Variants in CDCA7 observed in about 807,000 individuals in gnomAD.
CDCA7 encodes the protein cell division cycle associated 7, also known as cell division cycle-associated protein 7.
CDCA7 carries 28 observed loss-of-function variants against 54.0 expected under a neutral mutation model. The observed-to-expected ratio is 0.52, with a 90% CI of 0.38 to 0.71. CDCA7 has a LOEUF of 0.71. Among genes scored for constraint, CDCA7 ranks in the 30% least tolerant of loss-of-function variants. The pLI is 0.00. For synonymous variants in CDCA7, 180 were observed against 208.2 expected, an observed-to-expected ratio of 0.86 and a Z score of 1.16; for missense variants, 484 against 586.0, an observed-to-expected ratio of 0.83 and a Z score of 1.80.
intron 3 of CDCA7, among the ~76,000 whole-genome samples, chr2:173,360,838 A>ATTTTTTTTCTTCTCTCTCTCTT (rs67352963): frequency 6.6e-6 from 1 of 151,710 alleles, no homozygotes; most frequent in East Asian, 1.9e-4. Context: ...TTTATGGGTG[A>ATTTTTTTTCTTCTCTCTCTCTT]TTTTTTTCTT....
rs1686666272 is a variant in CDCA7 at position 173,363,706 on chromosome 2, A to G, written c.622-112A>G. On this transcript the variant is annotated intron_variant, in intron 4 of 9. Transcript: ENST00000306721. ...TCAGAAACTCTGAATGTGTCAGCTT[A>G]CTATCAAATATAAAACCATGAGATG... The G allele has an allele frequency of 5.4e-6, 6 of 1,106,788 alleles. No individual in the cohort carries two copies. In the East Asian group the frequency reaches 1.4e-4, roughly 26 times the overall value. The allele number at this position is 1,106,788 out of a possible 1,614,324, so 68.6% of individuals were successfully genotyped here.
intron 5 of CDCA7, chr2:173,364,165 A>G (rs1277144193): frequency 9.4e-6 from 3 of 318,932 alleles, no homozygotes; most frequent in South Asian, 1.1e-4. Flanking sequence ...TGGGCAGGTA[A>G]TGAAGATTGA....
intron 8 of CDCA7, 142 bp from the exon 9 acceptor site, chr2:173,367,008 G>C: frequency 8.4e-7 from 1 of 1,191,234 alleles, no homozygotes; most frequent in Non-Finnish European, 1.2e-6. Flanking sequence ...GAAGCATTAG[G>C]CATTAGGAAA....
rs1686659129 is a variant in CDCA7 at position 173,363,312 on chromosome 2, G to A, written c.471G>A (p.Ala157=). 2.5e-6 allele frequency: 4 copies of A among 1,614,046 alleles called. No individual in the cohort carries two copies. The highest frequency in any genetic ancestry group is 1.3e-5 in the African/African-American group (1 of 74,920). Residue 157 remains alanine (A), a synonymous_variant, in exon 4 of 10, where the codon GCG becomes GCA. Transcript: ENST00000306721. ...TCAGGGTGGCGATGAAGTTTCCAGCGCGGAGTACCAGGGGAGCAACCAACA... is the reference window on the plus strand; with the variant it reads ...TCAGGGTGGCGATGAAGTTTCCAGCACGGAGTACCAGGGGAGCAACCAACA... The part of the protein sequence containing the change: ...GPLRVAMKFP[A]RSTRGATNKK...
In CDCA7 at chr2:173,367,296, G is replaced by GC; in HGVS notation, c.1322+10_1322+11insC. 6.2e-7 allele frequency: 1 copy of GC among 1,602,616 alleles called. No individual in the cohort carries two copies. The highest frequency in any genetic ancestry group is 8.5e-7 in the Non-Finnish European group (1 of 1,172,448). ...ATGCCTACTTGAAAAGGTAGTGGGTGTTTTTTTTTCCCTTCCACATCTGAA... is the reference window on the plus strand; with the variant it reads ...ATGCCTACTTGAAAAGGTAGTGGGTGCTTTTTTTTTCCCTTCCACATCTGAA... On this transcript the variant is annotated intron_variant, in intron 9 of 9. Coordinates refer to ENST00000306721, the MANE Select transcript of CDCA7 (RefSeq NM_031942.5).
At chr2:173,365,419 G>A (rs1686701407) in intron 6 of CDCA7, 33 bp from the exon 7 acceptor site, 2 of 1,560,346 alleles carry the variant, frequency 1.3e-6, no homozygotes, top group Admixed American at 3.9e-5. Flanking sequence ...TTTCAGTTTT[G>A]AAGTTCTGTG....
rs1686716181 is a variant in CDCA7, at chr2:173,366,215, A to G, written c.1036-68A>G. The G allele has an allele frequency of 1.3e-6, 2 of 1,535,224 alleles. No individual in the cohort carries two copies. Among genetic ancestry groups the G allele is most frequent in the Non-Finnish European group, 1.8e-6 (2 of 1,134,468 alleles). ...ATACTACGAAGAGGGACATTCTGTA[A>G]ATATGCCATTTCCTCTGTTGAAAAA... On this transcript the variant is annotated intron_variant, in intron 7 of 9. Transcript: ENST00000306721. This position sits in a 1 kb window ranked among gnomAD's most constrained non-coding sequence, Gnocchi z 4.5.
Position 173,366,183 on chromosome 2 carries a change from T to A in CDCA7, c.1036-100T>A, listed in dbSNP as rs1341996590. ...TATGTAGAGATTCATAGACAAAATG[T>A]AAGCCTATACTACGAAGAGGGACAT... On this transcript the variant is annotated intron_variant, in intron 7 of 9. Transcript: ENST00000306721. This position sits in a 1 kb window ranked among gnomAD's most constrained non-coding sequence, Gnocchi z 4.5. 1.5e-6 allele frequency: 2 copies of A among 1,363,018 alleles called. No individual in the cohort carries two copies. The highest frequency in any genetic ancestry group is 2.9e-5 in the African/African-American group (2 of 68,648). The allele number at this position is 1,363,018 out of a possible 1,614,324, so 84.4% of individuals were successfully genotyped here.
Position 173,366,158 on chromosome 2 carries a change from T to C in CDCA7, c.1036-125T>C. ...TTTCATACCCTGGCATATACATGTG[T>C]ATGTAGAGATTCATAGACAAAATGT... On this transcript the variant is annotated intron_variant, in intron 7 of 9. Transcript: ENST00000306721. This position sits in a 1 kb window ranked among gnomAD's most constrained non-coding sequence, Gnocchi z 4.5. 1 of 1,086,772 alleles carries C rather than the reference T, an allele frequency of 9.2e-7. No individual in the cohort carries two copies. The highest frequency in any genetic ancestry group is 1.6e-5 in the African/African-American group (1 of 63,202). The allele number at this position is 1,086,772 out of a possible 1,614,324, so 67.3% of individuals were successfully genotyped here.
In CDCA7 at chr2:173,365,561, A is replaced by G. The variant is rs145047784; in HGVS notation, c.1004A>G (p.Asn335Ser). Residue 335 changes from asparagine to serine, a missense_variant, in exon 7 of 10, where the codon AAT becomes AGT. Physicochemically the swap from Asn to Ser is conservative, Grantham distance 46. Around this residue, in one of 3 missense-constraint regions of CDCA7, gnomAD observed 398 missense variants for 447.4 expected, o/e 0.89. Coordinates refer to ENST00000306721, the MANE Select transcript of CDCA7 (RefSeq NM_031942.5). The stretch of plus-strand genomic sequence containing the variant: ...GAGGAGTTGGAGAACGTCTGCAGCA[A>G]TTCTCGAGAGAAGATATATAACCGT... ...TEEELENVCSNSREKIYNRSL... is the reference protein window; with the variant it reads ...TEEELENVCSSSREKIYNRSL... 11 of 1,614,040 alleles carry G rather than the reference A, an allele frequency of 6.8e-6. No homozygotes were observed. In the African/African-American group the frequency reaches 8.0e-5, roughly 12 times the overall value.
At position 173,359,441 on chromosome 2, in the gene CDCA7, G is replaced by A. The variant is rs1686579676; in HGVS notation, c.334G>A (p.Asp112Asn). The change falls in exon 3 of 10, where the codon GAC becomes AAC. Residue 112 changes from aspartate to asparagine, a missense_variant. Asp to Asn is a conservative substitution (Grantham distance 23). Around this residue, in one of 3 missense-constraint regions of CDCA7, gnomAD observed 398 missense variants for 447.4 expected, o/e 0.89. Coordinates refer to ENST00000306721, the MANE Select transcript of CDCA7 (RefSeq NM_031942.5). ...ELAGIFHADS[D>N]DESFCGFSES... ...GGCCGGTATTTTTCATGCCGACTCTGACGATGAATCATTTTGCGGTTTCTC... is the reference window on the plus strand; with the variant it reads ...GGCCGGTATTTTTCATGCCGACTCTAACGATGAATCATTTTGCGGTTTCTC... 1 of 1,614,052 alleles carries A rather than the reference G, an allele frequency of 6.2e-7. No individual in the cohort carries two copies. The highest frequency in any genetic ancestry group is 1.3e-5 in the African/African-American group (1 of 74,916).
At position 173,366,249 on chromosome 2, in the gene CDCA7, T is replaced by C; in HGVS notation, c.1036-34T>C. 6.8e-7 allele frequency: 1 copy of C among 1,475,964 alleles called. No individual in the cohort carries two copies. Among genetic ancestry groups the C allele is most frequent in the Non-Finnish European group, 9.0e-7 (1 of 1,116,624 alleles). 91.4% of individuals were successfully genotyped at this position (1,475,964 alleles called of 1,614,324 possible). A position where few individuals can be genotyped will look rare whatever the true frequency, so the allele number is the denominator to read the frequency against. ...TTTCCTCTGTTGAAAAACAGTGGTT[T>C]TTTTTGTTTTTTTTCTTAATGGCTT... is the stretch of plus-strand genomic sequence containing the variant. On this transcript the variant is annotated intron_variant, in intron 7 of 9. Coordinates refer to ENST00000306721, the MANE Select transcript of CDCA7 (RefSeq NM_031942.5). The surrounding 1 kb of genome is among the most constrained non-coding windows in gnomAD (Gnocchi z 4.5).
At position 173,366,304 on chromosome 2, in the gene CDCA7, C is replaced by T. The variant is rs879253738; in HGVS notation, c.1057C>T (p.Arg353Cys). 6 of 1,613,644 alleles carry T rather than the reference C, an allele frequency of 3.7e-6. No homozygotes were observed. The highest frequency in any genetic ancestry group is 2.2e-5 in the East Asian group (1 of 44,862). The change falls in exon 8 of 10, where the codon CGT becomes TGT. Residue 353 changes from arginine (R) to cysteine (C), a missense_variant. This residue lies in a region of CDCA7 where 3 missense variants were observed against 16.4 expected (regional missense o/e 0.18). Coordinates refer to ENST00000306721, the MANE Select transcript of CDCA7 (RefSeq NM_031942.5). The surrounding 1 kb of genome is among the most constrained non-coding windows in gnomAD (Gnocchi z 4.5). ...RSLGSTCHQC[R>C]QKTIDTKTNC... ...GTAGGGCTCTACTTGTCATCAATGC[C>T]GTCAGAAGACTATTGATACCAAAAC...
chr2:173,358,885 A>T, intron 2 of CDCA7, 48 bp downstream of exon 2: 1 of 1,576,828 alleles, frequency 6.3e-7, no homozygotes, highest in Non-Finnish European at 8.6e-7. Flanking sequence ...AGTGCTCAAA[A>T]TGCCCCAGAT....
Position 173,367,712 on chromosome 2 carries a change from TA to T in CDCA7, c.*52del. ...CCTTCTACTTCTCAAATCTTTCTTG[TA>T]AAAGTTTCCAATTTTTTCACTGAAA... On this transcript the variant is annotated 3_prime_UTR_variant, in exon 10 of 10. Coordinates refer to ENST00000306721, the MANE Select transcript of CDCA7 (RefSeq NM_031942.5). The T allele has an allele frequency of 6.2e-7, 1 of 1,603,210 alleles. No homozygotes were observed. Among genetic ancestry groups the T allele is most frequent in the Non-Finnish European group, 8.5e-7 (1 of 1,171,502 alleles).
intron 4 of CDCA7, 119 bp from the exon 5 acceptor site, chr2:173,363,699 T>G (rs531245539): frequency 1.0e-5 from 11 of 1,080,390 alleles, no homozygotes; most frequent in East Asian, 7.1e-5. Flanking sequence ...TCTGAATGTG[T>G]CAGCTTACTA....
intron 9 of CDCA7, 40 bp downstream of exon 9, chr2:173,367,326 A>G (rs1686742847): frequency 1.9e-5 from 31 of 1,612,356 alleles, no homozygotes; most frequent in Non-Finnish European, 2.5e-5. Flanking sequence ...TCTGAATTTT[A>G]TATTCATTTA....
chr2:173,358,712 C>T lies in CDCA7; in HGVS notation c.22C>T (p.Gln8Ter), dbSNP rs1686560895. 1 of 1,611,642 alleles carries T rather than the reference C, an allele frequency of 6.2e-7. No individual in the cohort carries two copies. Among genetic ancestry groups the T allele is most frequent in the Admixed American group, 1.7e-5 (1 of 59,580 alleles). Residue 8 changes from glutamine to a stop codon, truncating the protein, a stop_gained and splice_region_variant, in exon 2 of 10, where the codon CAG becomes TAG. Transcript: ENST00000306721. LOFTEE classifies it high-confidence loss of function. ...ATAGGATTGCTATTTCCATTTGCAG[C>T]AGAAAGATCTCAGAGTAAAGAAGAA... MDARRVP[Q>*]KDLRVKKNLK...
At position 173,359,370 on chromosome 2, in the gene CDCA7, A is replaced by T. The variant is rs201378750; in HGVS notation, c.263A>T (p.His88Leu). 2.5e-6 allele frequency: 4 copies of T among 1,614,188 alleles called. No individual in the cohort carries two copies. The highest frequency in any genetic ancestry group is 2.2e-5 in the East Asian group (1 of 44,874). Residue 88 changes from histidine (H) to leucine (L), a missense_variant, in exon 3 of 10, where the codon CAT becomes CTT. Around this residue, in one of 3 missense-constraint regions of CDCA7, gnomAD observed 398 missense variants for 447.4 expected, o/e 0.89. Coordinates refer to ENST00000306721, the MANE Select transcript of CDCA7 (RefSeq NM_031942.5). ...AGTGAGGTGCAAGATGTATTAGACCATTGTGGATTTTTACAGAAACCAAGG... is the reference window on the plus strand; with the variant it reads ...AGTGAGGTGCAAGATGTATTAGACCTTTGTGGATTTTTACAGAAACCAAGG... ...SESEVQDVLD[H>L]CGFLQKPRPD...
Sources: allele counts gnomAD v4.1 joint callset (sites outside exome capture counted in the v4.1 genomes callset), GRCh38; gene constraint gnomAD v4.1.1; regional missense constraint gnomAD v4.1.1; non-coding constraint Gnocchi (gnomAD v3.1); transcripts MANE v1.5; gene names NCBI Gene and HGNC (gene_info 2026-07-23, HGNC 2026-07-21).